The following ACBD6 variants were observed in gnomAD, a reference collection of about 807,000 sequenced individuals.
The protein encoded by ACBD6 is acyl-CoA-binding domain-containing protein 6.
Under a neutral mutation model 37.2 loss-of-function variants are expected in ACBD6, and 28 were observed. The ratio of observed to expected loss-of-function variants is 0.75; its 90% CI spans 0.56 to 1.03. ACBD6 has a LOEUF of 1.03. ACBD6 is among the 50% of genes least tolerant of loss of function. ACBD6 has a pLI of 0.00. For missense variants in ACBD6, 340 were observed against 337.4 expected, an observed-to-expected ratio of 1.01 and a Z score of -0.06; for synonymous variants, 113 against 126.8, an observed-to-expected ratio of 0.89 and a Z score of 0.73.
At chr1:180,308,026 T>C (rs1650450527) in intron 7 of ACBD6, among the ~76,000 whole-genome samples, 1 of 151,380 alleles carries the variant, frequency 6.6e-6, no homozygotes, top group East Asian at 2.0e-4. Flanking sequence ...CATTTATCAT[T>C]TCTTTACCTT....
rs771166162 is a variant in ACBD6, at chr1:180,274,609, C to G, written c.*936+42G>C. The G allele has an allele frequency of 1.0e-5, 16 of 1,527,992 alleles. No individual in the cohort carries two copies. In the South Asian group the frequency reaches 1.4e-4, roughly 13 times the overall value. 94.7% of individuals were successfully genotyped at this position (1,527,992 alleles called of 1,614,324 possible). ...CTCTCCTCCCCACCCTACCTGCCCC[C>G]CTGGCTTGAGAGAATATCTTCAAGG... On this transcript the variant is annotated intron_variant, in intron 10 of 13. Coordinates refer to the ACBD6 transcript ENST00000642319.
chr1:180,472,878 G>C (rs540563885), intron 3 of ACBD6, among the ~76,000 whole-genome samples: 1 of 151,970 alleles, frequency 6.6e-6, no homozygotes, highest in East Asian at 1.9e-4. Flanking sequence ...GAATCTCAAG[G>C]GACAAATTAA....
rs768654591 is a variant in ACBD6, at chr1:180,502,110, G to A, written c.157C>T (p.Leu53=). The A allele has an allele frequency of 4.3e-6, 7 of 1,613,842 alleles. No individual in the cohort carries two copies. The highest frequency in any genetic ancestry group is 1.1e-5 in the South Asian group (1 of 91,048). ...AELFEKAAAH[L]QGLIQVASRE... ...CTGGCCACCTGAATCAGGCCTTGCA[G>A]GTGCGCGGCAGCCTTCTCAAACAGC... Residue 53 remains leucine (L), a synonymous_variant, in exon 1 of 8, where the codon CTG becomes TTG. Transcript: ENST00000367595.
chr1:180,302,306 C>A (rs1650162100), intron 7 of ACBD6, among the ~76,000 whole-genome samples: 1 of 151,620 alleles, frequency 6.6e-6, no homozygotes, highest in Non-Finnish European at 1.5e-5. Flanking sequence ...TTCTAGGCTG[C>A]AAAACTGAGT....
chr1:180,283,906 A>C (rs1456726822), downstream of ACBD6, among the ~76,000 whole-genome samples: 1 of 152,062 alleles, frequency 6.6e-6, no homozygotes, highest in Admixed American at 6.5e-5. Flanking sequence ...TATATAATGC[A>C]AACATTCCAA....
At chr1:180,298,401 A>G (rs1650002312) in intron 7 of ACBD6, among the ~76,000 whole-genome samples, 1 of 152,166 alleles carries the variant, frequency 6.6e-6, no homozygotes, top group Admixed American at 6.5e-5. Context: ...TTCCAACCCA[A>G]CAGTTACGCG....
chr1:180,318,852 T>G (rs1355921042), intron 6 of ACBD6, among the ~76,000 whole-genome samples: 1 of 152,240 alleles, frequency 6.6e-6, no homozygotes, highest in Non-Finnish European at 1.5e-5. Context: ...CTTACCACTT[T>G]GTTTTTAAAG....
intron 6 of ACBD6, among the ~76,000 whole-genome samples, chr1:180,373,036 G>A (rs530004328): frequency 2.6e-5 from 4 of 152,130 alleles, no homozygotes; most frequent in Non-Finnish European, 4.4e-5. Context: ...TCCCTGACTG[G>A]ATTAATTAGA....
At chr1:180,274,640 A>AAGAG in intron 10 of ACBD6, 2 of 1,482,000 alleles carry the variant, frequency 1.3e-6, no homozygotes, top group Admixed American at 4.5e-5. Context: ...CAAGGATCAA[A>AAGAG]AGAGACTTGC....
intron 5 of ACBD6, among the ~76,000 whole-genome samples, chr1:180,411,691 A>G (rs1647861956): frequency 6.6e-6 from 1 of 152,204 alleles, no homozygotes; most frequent in African/African-American, 2.4e-5. Context: ...TTTGAGATGG[A>G]GTCTCGCTCT....
chr1:180,391,215 T>C (rs192960628), intron 6 of ACBD6, among the ~76,000 whole-genome samples: 43 of 152,172 alleles, frequency 2.8e-4, no homozygotes, highest in African/African-American at 9.9e-4. Flanking sequence ...GATAACACTA[T>C]AAAATTCTTA....
chr1:180,364,249 C>A (rs1426239617), intron 6 of ACBD6, among the ~76,000 whole-genome samples: 1 of 152,186 alleles, frequency 6.6e-6, no homozygotes, highest in Admixed American at 6.5e-5. Flanking sequence ...TTAAGAGGAA[C>A]AGTAAAGGCA....
At chr1:180,304,404 C>T (rs1326601088) in intron 7 of ACBD6, among the ~76,000 whole-genome samples, 1 of 150,988 alleles carries the variant, frequency 6.6e-6, no homozygotes, top group African/African-American at 2.4e-5. Context: ...GCAACTTGAG[C>T]AAAGTCTCAG....
At chr1:180,421,178 C>T (rs1648346996) in intron 4 of ACBD6, among the ~76,000 whole-genome samples, 1 of 152,144 alleles carries the variant, frequency 6.6e-6, no homozygotes, top group South Asian at 2.1e-4. Flanking sequence ...TCCCCCTACT[C>T]CCCAAGGAGC....
At chr1:180,364,160 T>C (rs77090998) in intron 6 of ACBD6, among the ~76,000 whole-genome samples, 30 of 152,334 alleles carry the variant, frequency 2.0e-4, no homozygotes, top group African/African-American at 7.2e-4. Context: ...GCTAATATAA[T>C]ATCTACATCT....
chr1:180,373,901 CTTAT>C (rs1222521633), intron 6 of ACBD6, among the ~76,000 whole-genome samples: 2 of 152,024 alleles, frequency 1.3e-5, no homozygotes, highest in African/African-American at 4.8e-5. Flanking sequence ...AACCCTTTTA[CTTAT>C]TTATTTATTG....
chr1:180,385,059 TTAGA>T (rs1426300838), intron 6 of ACBD6, among the ~76,000 whole-genome samples: 1 of 152,016 alleles, frequency 6.6e-6, no homozygotes, highest in South Asian at 2.1e-4. Context: ...AAACATACAG[TTAGA>T]TAGAAGGTAT....
At chr1:180,345,906 T>A (rs1485919477) in intron 6 of ACBD6, among the ~76,000 whole-genome samples, 4 of 152,158 alleles carry the variant, frequency 2.6e-5, no homozygotes, top group African/African-American at 4.8e-5. Flanking sequence ...GTAATGAAAA[T>A]TTTTAAAACC....
chr1:180,310,980 G>A (rs577965362), intron 7 of ACBD6, among the ~76,000 whole-genome samples: 1 of 152,336 alleles, frequency 6.6e-6, no homozygotes, highest in Admixed American at 6.5e-5. Context: ...AAGATGTGCA[G>A]AAGACATAAG....
Sources: gnomAD v4.1 joint callset for allele counts (sites outside exome capture counted in the v4.1 genomes callset) on GRCh38, gnomAD v4.1.1 for gene constraint, MANE v1.5 for transcripts, NCBI Gene and HGNC (gene_info 2026-07-23, HGNC 2026-07-21) for gene names.